FAM234A: variants seen among roughly 807,000 people sequenced by gnomAD.
FAM234A encodes the protein protein FAM234A.
In FAM234A, 42 loss-of-function variants were observed where a neutral mutation model predicts 49.1. That is an observed-to-expected ratio of 0.86 (90% confidence interval 0.67 to 1.11). FAM234A has a LOEUF of 1.11. Ranked by LOEUF, FAM234A falls within the 50% of genes least tolerant of loss-of-function variation. The pLI is 0.00. For synonymous variants in FAM234A, 369 were observed against 316.2 expected (o/e 1.17, Z -1.77); for missense variants, 815 against 745.2 (o/e 1.09, Z -1.09).
chr16:239,612 C>G (rs1408465530), intron 1 of FAM234A, among the ~76,000 whole-genome samples: 1 of 118,764 alleles, frequency 8.4e-6, no homozygotes, highest in Non-Finnish European at 1.6e-5. Context: ...TAGGCCCCGT[C>G]TCAAAAAAAA....
At chr16:268,763 G>A (rs1326765217), downstream of FAM234A, 2 of 1,549,030 alleles carry the variant, frequency 1.3e-6, no homozygotes, top group Admixed American at 2.0e-5. Flanking sequence ...CACTCTCTTG[G>A]GTCCTCTTCC....
intron 2 of FAM234A, among the ~76,000 whole-genome samples, chr16:251,919 T>C (rs936712619): frequency 2.1e-5 from 3 of 146,064 alleles, no homozygotes; most frequent in African/African-American, 5.1e-5. Flanking sequence ...AGGAGAATGG[T>C]GTGAACGGGG....
chr16:260,084 A>T lies in FAM234A; in HGVS notation c.501A>T (p.Pro167=). The change falls in exon 5 of 13, where the codon CCA becomes CCT. Residue 167 remains proline (P), a synonymous_variant. Coordinates refer to ENST00000399932, the MANE Select transcript of FAM234A (RefSeq NM_032039.4). ...TCGTGGAGTGTGCTGTGCCCCAGCC[A>T]AGAGGCAGTGAGGCACCTTCTGCCT... The part of the protein sequence containing the change: ...VALVECAVPQ[P]RGSEAPSACI... 1 of 1,613,856 alleles carries T rather than the reference A, an allele frequency of 6.2e-7. No individual in the cohort carries two copies. The highest frequency in any genetic ancestry group is 8.5e-7 in the Non-Finnish European group (1 of 1,180,024).
intron 4 of FAM234A, 77 bp from the exon 5 acceptor site, chr16:259,892 G>C (rs2051387500): frequency 7.4e-7 from 1 of 1,342,722 alleles, no homozygotes; most frequent in Admixed American, 1.8e-5. Context: ...AACAGACCTG[G>C]AACAGCACAT....
At chr16:237,620 C>G (rs1443357908) in intron 1 of FAM234A, among the ~76,000 whole-genome samples, 1 of 152,004 alleles carries the variant, frequency 6.6e-6, no homozygotes, top group African/African-American at 2.4e-5. Context: ...TTCCTTAGGG[C>G]CCATGTCCTC....
At chr16:241,919 A>C (rs867567903) in intron 1 of FAM234A, among the ~76,000 whole-genome samples, 1 of 152,056 alleles carries the variant, frequency 6.6e-6, no homozygotes, top group Non-Finnish European at 1.5e-5. Flanking sequence ...AAAAAAAAAA[A>C]AAAAGGCAAT....
At position 259,582 on chromosome 16, in the gene FAM234A, G is replaced by C; in HGVS notation, c.368G>C (p.Arg123Pro). The change falls in exon 4 of 13, where the codon CGA (arginine) becomes CCA (proline). Residue 123 changes from arginine to proline, a missense_variant. Coordinates refer to ENST00000399932, the MANE Select transcript of FAM234A (RefSeq NM_032039.4). ...ACCAACAGCAGCAACAATTTCAGCC[G>C]ATCCTGTGTGGACGAAGGTAATTTC... ...KNTNSSNNFS[R>P]SCVDEGFSSP... The C allele has an allele frequency of 6.2e-7, 1 of 1,600,654 alleles. No homozygotes were observed. The highest frequency in any genetic ancestry group is 8.6e-7 in the Non-Finnish European group (1 of 1,167,806).
chr16:238,765 C>CA (rs34366851), intron 1 of FAM234A, among the ~76,000 whole-genome samples: 17,026 of 37,340 alleles, frequency 0.46, 4,091 homozygotes, highest in Non-Finnish European at 0.54. Context: ...GACTCCGTCT[C>CA]AAAAAAAAAA....
intron 1 of FAM234A, chr16:240,053 T>A (rs2050557158): frequency 6.6e-6 from 1 of 152,222 alleles, no homozygotes; most frequent in Non-Finnish European, 1.5e-5. Flanking sequence ...AGCTGAAACA[T>A]CTGCCTCATT....
At chr16:263,155 T>C in intron 8 of FAM234A, 107 bp from the exon 9 acceptor site, 2 of 1,332,308 alleles carry the variant, frequency 1.5e-6, no homozygotes, top group Non-Finnish European at 2.1e-6. Context: ...AAACGGGTTA[T>C]GGGGGCCTAA....
At position 254,482 on chromosome 16, in the gene FAM234A, A is replaced by C. The variant is rs771760202; in HGVS notation, c.69A>C (p.Glu23Asp). ...PLKNEERKSQ[E>D]NLGNPSKNED... Reference sequence around the variant, plus strand: ...AAAATGAAGAAAGAAAATCGCAGGAAAATCTGGGAAATCCATCAAAAAATG... The same window carrying C: ...AAAATGAAGAAAGAAAATCGCAGGACAATCTGGGAAATCCATCAAAAAATG... Residue 23 changes from glutamate (E) to aspartate (D), a missense_variant, in exon 3 of 13, where the codon GAA becomes GAC. Physicochemically the swap from Glu to Asp is conservative, Grantham distance 45. Transcript: ENST00000399932. The C allele has an allele frequency of 3.1e-6, 5 of 1,614,230 alleles. No homozygotes were observed. In the African/African-American group the frequency reaches 5.3e-5, roughly 17 times the overall value.
chr16:244,682 C>CTTTTTTT (rs59549388), intron 1 of FAM234A, among the ~76,000 whole-genome samples: 4 of 86,738 alleles, frequency 4.6e-5, no homozygotes, highest in Non-Finnish European at 6.8e-5. Flanking sequence ...ATGGTAACCT[C>CTTTTTTT]TTTTTTTTTT....
At chr16:252,021 A>T (rs1226428194) in intron 2 of FAM234A, among the ~76,000 whole-genome samples, 2 of 140,318 alleles carry the variant, frequency 1.4e-5, no homozygotes, top group African/African-American at 5.3e-5. Context: ...AAAAAAAAAA[A>T]GAGATGGGTC....
At position 264,882 on chromosome 16, in the gene FAM234A, G is replaced by A. The variant is rs200909290; in HGVS notation, c.1519G>A (p.Gly507Ser). The stretch of plus-strand genomic sequence containing the variant: ...AGGCCCGGCAGACTCAGAGGCACCC[G>A]GCCTGGTCTCTGTGATCAAGCACAA... ...LTGPADSEAP[G>S]LVSVIKHKVR... The change falls in exon 13 of 13, where the codon GGC becomes AGC. Residue 507 changes from glycine to serine, a missense_variant. Transcript: ENST00000399932. The A allele has an allele frequency of 7.4e-4, 1,195 of 1,612,714 alleles. 5 individuals are homozygous for A. Among genetic ancestry groups the A allele is most frequent in the South Asian group, 3.5e-3 (318 of 91,082 alleles).
rs776700779 is a variant in FAM234A at position 262,461 on chromosome 16, C to T, written c.879C>T (p.Tyr293=). Residue 293 remains tyrosine (Y), a synonymous_variant, in exon 8 of 13, where the codon TAC becomes TAT. Transcript: ENST00000399932. ...SLCGCSVKGL[Y]EKVTGSGGPF... ...GCGGCTGCTCTGTGAAGGGTCTCTA[C>T]GAGAAGGTGACCGGGAGCGGCGGCC... 19 of 1,611,728 alleles carry T rather than the reference C, an allele frequency of 1.2e-5. No homozygotes were observed. Among genetic ancestry groups the T allele is most frequent in the African/African-American group, 1.1e-4 (8 of 74,864 alleles).
chr16:237,168 A>G (rs2050434323), intron 1 of FAM234A, among the ~76,000 whole-genome samples: 1 of 151,984 alleles, frequency 6.6e-6, no homozygotes, highest in African/African-American at 2.4e-5. Flanking sequence ...GGCCTCGCAA[A>G]GTGTTAGGAT....
At chr16:269,545 G>T (rs1254235350), downstream of FAM234A, 4 of 1,613,420 alleles carry the variant, frequency 2.5e-6, no homozygotes, top group Non-Finnish European at 3.4e-6. Context: ...TGCCAGGAGG[G>T]CCTTGTACAT....
intron 9 of FAM234A, 34 bp downstream of exon 9, chr16:263,436 G>T (rs372694989): frequency 1.7e-5 from 27 of 1,599,598 alleles, no homozygotes; most frequent in African/African-American, 2.7e-5. Context: ...CGCAGGTGCT[G>T]CACCCCTTCC....
downstream of FAM234A, among the ~76,000 whole-genome samples, chr16:266,724 C>T (rs532564009): frequency 3.9e-5 from 6 of 152,324 alleles, no homozygotes; most frequent in South Asian, 2.1e-4. Context: ...GGAAGCGGTT[C>T]TCTTGTCCCT....
Sources: allele counts gnomAD v4.1 joint callset (sites outside exome capture counted in the v4.1 genomes callset), GRCh38; gene constraint gnomAD v4.1.1; transcripts MANE v1.5; gene names NCBI Gene and HGNC (gene_info 2026-07-23, HGNC 2026-07-21).